PPP3CA: variants seen among roughly 807,000 people sequenced by gnomAD.
PPP3CA encodes the protein CAM-PRP catalytic subunit.
In PPP3CA, 14 loss-of-function variants were observed where a neutral mutation model predicts 66.5. That is an observed-to-expected ratio of 0.21 (90% CI 0.14 to 0.33). The LOEUF (loss-of-function observed/expected upper bound fraction) is 0.33, where lower values mean the gene tolerates loss of function less well. PPP3CA is among the 10% of genes least tolerant of loss of function. PPP3CA has a pLI of 1.00. For missense variants in PPP3CA, 317 were observed against 639.5 expected, an observed-to-expected ratio of 0.50 and a Z score of 5.44; for synonymous variants, 232 against 226.2, an observed-to-expected ratio of 1.03 and a Z score of -0.23.
intron 1 of PPP3CA, among the ~76,000 whole-genome samples, chr4:101,212,841 TA>T (rs750960171): frequency 1.6e-3 from 247 of 149,764 alleles, no homozygotes; most frequent in Non-Finnish European, 2.6e-3. Context: ...GATGTTTTAT[TA>T]AAAAAAAAAT....
intron 2 of PPP3CA, 113 bp downstream of exon 2, chr4:101,195,803 A>C: frequency 3.6e-6 from 3 of 832,064 alleles, no homozygotes; most frequent in Non-Finnish European, 5.7e-6. Flanking sequence ...CAACAGTAAA[A>C]GATTATGATG....
chr4:101,333,184 A>G (rs1411775283), intron 1 of PPP3CA, among the ~76,000 whole-genome samples: 2 of 142,358 alleles, frequency 1.4e-5, no homozygotes, highest in African/African-American at 5.2e-5. Context: ...GACTCACTGC[A>G]GCCTCAACCT....
intron 1 of PPP3CA, among the ~76,000 whole-genome samples, chr4:101,340,403 TGTCA>T (rs1309134358): frequency 6.6e-6 from 1 of 152,198 alleles, no homozygotes; most frequent in Non-Finnish European, 1.5e-5. Context: ...ATTGCCACTT[TGTCA>T]GTGAGGGCTT....
chr4:101,207,338 G>A (rs1725164167), intron 1 of PPP3CA, among the ~76,000 whole-genome samples: 1 of 152,082 alleles, frequency 6.6e-6, no homozygotes. Context: ...ATTTTTAATT[G>A]CTAAACTTGC....
chr4:101,076,392 C>T (rs1729193262), intron 8 of PPP3CA, among the ~76,000 whole-genome samples: 1 of 151,490 alleles, frequency 6.6e-6, no homozygotes, highest in Admixed American at 6.6e-5. Context: ...ACAATGTGTA[C>T]CAAAAAGCCT....
rs545032606 is a variant in PPP3CA at position 101,090,416 on chromosome 4, A to G, written c.782+3360T>C. Among the ~76,000 whole-genome samples, 12 of 152,200 alleles carry G rather than the reference A, an allele frequency of 7.9e-5. No individual in the cohort carries two copies. The East Asian group carries it at 1.2e-3, about 15-fold the overall frequency. ...CACTTTGGGAGGCCGAGGTGGATGG[A>G]TCACCTGAGGTCAGGAGTTTGAGAC... On this transcript the variant is annotated intron_variant, in intron 6 of 13. Transcript: ENST00000394854.
intron 2 of PPP3CA, among the ~76,000 whole-genome samples, chr4:101,127,220 T>C (rs1722272257): frequency 6.6e-6 from 1 of 151,908 alleles, no homozygotes; most frequent in South Asian, 2.1e-4. Context: ...TTGCTTCTGG[T>C]ACATCCAGTT....
intron 10 of PPP3CA, among the ~76,000 whole-genome samples, chr4:101,049,310 C>T (rs977198945): frequency 1.3e-5 from 2 of 152,034 alleles, no homozygotes; most frequent in Non-Finnish European, 2.9e-5. Context: ...TTTCAAGAAA[C>T]GGTCACATAT....
At chr4:101,336,712 T>G (rs1398377699) in intron 1 of PPP3CA, among the ~76,000 whole-genome samples, 1 of 152,186 alleles carries the variant, frequency 6.6e-6, no homozygotes, top group African/African-American at 2.4e-5. Context: ...AGCATCAGAT[T>G]GTAATCAAGA....
rs188844474 is a variant in PPP3CA at position 101,060,767 on chromosome 4, T to G, written c.1156+320A>C. Among the ~76,000 whole-genome samples, 389 of 152,224 alleles carry G rather than the reference T, an allele frequency of 2.6e-3. 1 individual carries two copies. Among genetic ancestry groups the G allele is most frequent in the African/African-American group, 8.6e-3 (359 of 41,558 alleles). On this transcript the variant is annotated intron_variant, in intron 10 of 13. Transcript: ENST00000394854. ...AAAAGAAAAAATAATTGTCCAGTAA[T>G]TGGTAACATCTGTTAGAAAATAAAG... is the stretch of plus-strand genomic sequence containing the variant.
intron 2 of PPP3CA, among the ~76,000 whole-genome samples, chr4:101,150,620 C>T (rs112522326): frequency 0.045 from 6,778 of 152,078 alleles, 211 homozygotes; most frequent in Middle Eastern, 0.11. Flanking sequence ...TTTTCATTAA[C>T]CTACTGGGAC....
intron 1 of PPP3CA, among the ~76,000 whole-genome samples, chr4:101,239,701 T>G (rs1310424718): frequency 6.6e-6 from 1 of 152,012 alleles, no homozygotes; most frequent in Non-Finnish European, 1.5e-5. Context: ...CAAGATAAAA[T>G]ATGAAGGCAT....
At chr4:101,062,429 A>G (rs1027236701) in intron 9 of PPP3CA, among the ~76,000 whole-genome samples, 1 of 152,060 alleles carries the variant, frequency 6.6e-6, no homozygotes, top group African/African-American at 2.4e-5. Flanking sequence ...TACTCCTCAT[A>G]GAACATCATT....
chr4:101,106,377 GAAA>G (rs1730679592), intron 3 of PPP3CA, among the ~76,000 whole-genome samples: 7 of 2,212 alleles, frequency 3.2e-3, no homozygotes, highest in Middle Eastern at 0.12. Context: ...AGAGAGAAAA[GAAA>G]GAAAGAAAGA....
At position 101,278,133 on chromosome 4, in the gene PPP3CA, A is replaced by AT. The variant is rs1560694481; in HGVS notation, c.58+68605_58+68606insA. ...TTAAAAGCTATTAGTAAAAAAAAAA[A>AT]AAAAAATAAAAAAATTAAAAAGTTA... On this transcript the variant is annotated intron_variant, in intron 1 of 13. Transcript: ENST00000394854. Among the ~76,000 whole-genome samples, 110 of 140,912 alleles carry AT rather than the reference A, an allele frequency of 7.8e-4. 2 individuals are homozygous for AT. The highest frequency in any genetic ancestry group is 3.4e-3 in the African/African-American group (106 of 31,528). 92.4% of individuals were successfully genotyped at this position (140,912 alleles called of 152,430 possible).
intron 1 of PPP3CA, among the ~76,000 whole-genome samples, chr4:101,242,617 T>A (rs1726348450): frequency 1.3e-5 from 2 of 152,142 alleles, no homozygotes. Context: ...CTTATATGTG[T>A]CATTATCGAA....
At chr4:101,256,404 A>G (rs1172820731) in intron 1 of PPP3CA, among the ~76,000 whole-genome samples, 2 of 151,968 alleles carry the variant, frequency 1.3e-5, no homozygotes, top group Non-Finnish European at 2.9e-5. Flanking sequence ...CAGGTTGCTA[A>G]TTACATGATG....
intron 1 of PPP3CA, among the ~76,000 whole-genome samples, chr4:101,275,522 GA>G (rs1727463108): frequency 6.6e-6 from 1 of 152,154 alleles, no homozygotes; most frequent in Non-Finnish European, 1.5e-5. Flanking sequence ...CTACCGAGCA[GA>G]AATCATTCCA....
intron 2 of PPP3CA, among the ~76,000 whole-genome samples, chr4:101,125,251 C>T (rs79507245): frequency 0.04 from 6,075 of 152,254 alleles, 204 homozygotes; most frequent in Middle Eastern, 0.11. Context: ...CGCCTTCAGG[C>T]GCAAATGGAT....
Sources: gnomAD v4.1 joint callset for allele counts (sites outside exome capture counted in the v4.1 genomes callset) on GRCh38, gnomAD v4.1.1 for gene constraint, MANE v1.5 for transcripts, NCBI Gene and HGNC (gene_info 2026-07-23, HGNC 2026-07-21) for gene names.